The following LAMA2 variants were observed in gnomAD, a reference collection of about 807,000 sequenced individuals.
The protein encoded by LAMA2 is laminin subunit alpha-2.
LAMA2 carries 269 observed loss-of-function variants against 364.8 expected under a neutral mutation model. The observed-to-expected ratio is 0.74, with a 90% confidence interval of 0.67 to 0.82. LAMA2 has a LOEUF of 0.82. LAMA2 is among the 40% of genes least tolerant of loss of function. The pLI, the probability that LAMA2 is intolerant of heterozygous loss-of-function variation, is 0.00. For missense variants in LAMA2, 3,807 were observed against 3,873.2 expected, an observed-to-expected ratio of 0.98 and a Z score of 0.45; for synonymous variants, 1,379 against 1,370.6, an observed-to-expected ratio of 1.01 and a Z score of -0.14.
rs757753192 is a variant in LAMA2 at position 129,481,358 on chromosome 6, C to T, written c.7668C>T (p.Thr2556=). 1.4e-5 allele frequency: 23 copies of T among 1,613,324 alleles called. No homozygotes were observed. In the Admixed American group the frequency reaches 3.8e-4, roughly 27 times the overall value. Residue 2556 remains threonine, a synonymous_variant, in exon 55 of 65, where the codon ACC becomes ACT. Transcript: ENST00000421865. ...VGTEINLSFS[T]KNESGIILLG... is the part of the protein sequence containing the mutation. ...CAGAAATCAACCTGTCATTCAGCACCAAGAATGAGTCCGGCATCATTCTTT... is the reference window on the plus strand; with the variant it reads ...CAGAAATCAACCTGTCATTCAGCACTAAGAATGAGTCCGGCATCATTCTTT...
chr6:129,106,650 C>T (rs1775839485), intron 4 of LAMA2, among the ~76,000 whole-genome samples: 1 of 151,640 alleles, frequency 6.6e-6, no homozygotes, highest in Admixed American at 6.6e-5. Context: ...ATATGGAGTC[C>T]TCTAAAAAAT....
rs199814707 is a variant in LAMA2, at chr6:129,465,220, G to A, written c.7231G>A (p.Val2411Ile). 6.0e-5 allele frequency: 97 copies of A among 1,611,194 alleles called. No individual in the cohort carries two copies. The highest frequency in any genetic ancestry group is 3.3e-4 in the Middle Eastern group (2 of 6,046). ...SYDLGSGMAS[V>I]VSNQNHNDGK... ...CGATCTGGGCTCAGGAATGGCTTCC[G>A]TTGTCAGCAATCAAAACCATAATGA... is the stretch of plus-strand genomic sequence containing the variant. Residue 2411 changes from valine to isoleucine, a missense_variant, in exon 51 of 65, where the codon GTT (valine) becomes ATT (isoleucine). By Grantham distance (29) the Val-to-Ile change is conservative. Transcript: ENST00000421865.
At chr6:128,940,547 A>G (rs956922805) in intron 1 of LAMA2, among the ~76,000 whole-genome samples, 1 of 152,238 alleles carries the variant, frequency 6.6e-6, no homozygotes, top group East Asian at 1.9e-4. Flanking sequence ...TAATGCATTC[A>G]TGAGTGAATA....
intron 4 of LAMA2, among the ~76,000 whole-genome samples, chr6:129,099,070 C>T (rs1583039349): frequency 6.8e-6 from 1 of 146,660 alleles, no homozygotes; most frequent in South Asian, 2.1e-4. Flanking sequence ...CTAACCATGG[C>T]TTCAGTTGTT....
At chr6:129,172,616 C>T (rs1780264273) in intron 9 of LAMA2, among the ~76,000 whole-genome samples, 1 of 152,208 alleles carries the variant, frequency 6.6e-6, no homozygotes, top group Non-Finnish European at 1.5e-5. Context: ...GAGGTTACTG[C>T]TGTCTTTTTG....
At chr6:129,075,933 C>T (rs1235278180) in intron 3 of LAMA2, among the ~76,000 whole-genome samples, 1 of 151,524 alleles carries the variant, frequency 6.6e-6, no homozygotes, top group African/African-American at 2.4e-5. Flanking sequence ...CCTATCTCTA[C>T]AAAAAAAAGC....
chr6:129,354,557 A>T (rs1240330019), intron 32 of LAMA2, among the ~76,000 whole-genome samples: 1 of 152,116 alleles, frequency 6.6e-6, no homozygotes, highest in Non-Finnish European at 1.5e-5. Context: ...AAGTCAAATA[A>T]ATTATTAACA....
chr6:129,068,121 T>C (rs6569580), intron 3 of LAMA2, among the ~76,000 whole-genome samples: 144,975 of 152,298 alleles, frequency 0.95, 69,082 homozygotes, highest in East Asian at 0.97. Flanking sequence ...GCATTCAATG[T>C]GTTTGTATTA....
intron 4 of LAMA2, among the ~76,000 whole-genome samples, chr6:129,116,166 T>C (rs1027882820): frequency 6.6e-6 from 1 of 152,124 alleles, no homozygotes; most frequent in African/African-American, 2.4e-5. Context: ...GCACAGGCTA[T>C]GAAGTGTGCT....
chr6:129,402,989 C>T (rs73774811), intron 39 of LAMA2, among the ~76,000 whole-genome samples: 1,996 of 152,226 alleles, frequency 0.013, 50 homozygotes, highest in African/African-American at 0.045. Flanking sequence ...AAAATAGCAG[C>T]TTATTCTAGC....
chr6:129,218,021 G>A (rs1583273678), intron 12 of LAMA2, among the ~76,000 whole-genome samples: 1 of 152,170 alleles, frequency 6.6e-6, no homozygotes, highest in South Asian at 2.1e-4. Flanking sequence ...TGCCATAGGG[G>A]TCATGACATC....
intron 3 of LAMA2, among the ~76,000 whole-genome samples, chr6:129,095,831 G>A (rs1775146078): frequency 6.6e-6 from 1 of 152,000 alleles, no homozygotes; most frequent in Non-Finnish European, 1.5e-5. Flanking sequence ...GCTGAGGCAG[G>A]AGAATTGCTT....
rs577106515 is a variant in LAMA2 at position 129,071,819 on chromosome 6, A to T, written c.396+11923A>T. Among the ~76,000 whole-genome samples, 14 of 152,284 alleles carry T rather than the reference A, an allele frequency of 9.2e-5. 1 individual carries two copies. Among genetic ancestry groups the T allele is most frequent in the East Asian group, 1.9e-4 (1 of 5,190 alleles). On this transcript the variant is annotated intron_variant, in intron 3 of 64. Transcript: ENST00000421865. ...TTTTTGAGACTTGTTTTTATCCAAC[A>T]TATGGCAGTGACTTGAAAACAATGT...
intron 37 of LAMA2, among the ~76,000 whole-genome samples, chr6:129,400,829 T>C (rs1261655363): frequency 6.6e-6 from 1 of 152,254 alleles, no homozygotes; most frequent in Non-Finnish European, 1.5e-5. Flanking sequence ...ATACATCTGC[T>C]TATGTTTATG....
intron 1 of LAMA2, among the ~76,000 whole-genome samples, chr6:128,981,653 G>A (rs1254278479): frequency 1.3e-5 from 2 of 151,792 alleles, no homozygotes; most frequent in Non-Finnish European, 2.9e-5. Context: ...AGGAGGCTGA[G>A]GTGGGAGGAT....
intron 22 of LAMA2, among the ~76,000 whole-genome samples, chr6:129,310,034 G>T (rs1032959222): frequency 2.0e-5 from 3 of 150,562 alleles, no homozygotes; most frequent in African/African-American, 7.4e-5. Context: ...CGAGTAGCTG[G>T]GACTACAGGC....
chr6:128,979,450 A>G (rs554385961), intron 1 of LAMA2, among the ~76,000 whole-genome samples: 28 of 152,338 alleles, frequency 1.8e-4, no homozygotes, highest in African/African-American at 6.7e-4. Context: ...GTAATGTCAC[A>G]AGAAGAAAAC....
intron 1 of LAMA2, among the ~76,000 whole-genome samples, chr6:128,917,734 CTTT>C (rs147581913): frequency 2.7e-5 from 3 of 111,760 alleles, no homozygotes; most frequent in African/African-American, 1.1e-4. Flanking sequence ...TTCTTTCTTT[CTTT>C]TTTTTTTTTT....
At chr6:129,232,577 TTC>T (rs1246208721) in intron 12 of LAMA2, among the ~76,000 whole-genome samples, 10 of 152,192 alleles carry the variant, frequency 6.6e-5, no homozygotes, top group Admixed American at 5.9e-4. Flanking sequence ...AGCAATGGAT[TTC>T]AAATTAAAAT....
Sources: gnomAD v4.1 joint callset for allele counts (sites outside exome capture counted in the v4.1 genomes callset) on GRCh38, gnomAD v4.1.1 for gene constraint, MANE v1.5 for transcripts, NCBI Gene and HGNC (gene_info 2026-07-23, HGNC 2026-07-21) for gene names.